SNX3: variants seen among roughly 807,000 people sequenced by gnomAD.
The protein encoded by SNX3 is sorting nexin-3.
Under a neutral mutation model 17.7 loss-of-function variants are expected in SNX3, and 5 were observed. That is an observed-to-expected ratio of 0.28 (90% confidence interval 0.15 to 0.59). The LOEUF (loss-of-function observed/expected upper bound fraction) is 0.59. SNX3 is among the 20% of genes least tolerant of loss of function. The pLI is 0.88. For synonymous variants in SNX3, 91 were observed against 76.5 expected, an observed-to-expected ratio of 1.19 and a Z score of -0.99; for missense variants, 132 against 206.8, an observed-to-expected ratio of 0.64 and a Z score of 2.22.
At chr6:108,255,869 C>T (rs987139538) in intron 1 of SNX3, among the ~76,000 whole-genome samples, 7 of 152,110 alleles carry the variant, frequency 4.6e-5, no homozygotes, top group African/African-American at 1.7e-4. Flanking sequence ...TTATTTAGCA[C>T]CTTGTCAAAA....
At chr6:108,214,680 G>C (rs993528231) in intron 2 of SNX3, 58 bp from the exon 3 acceptor site, 1 of 1,563,586 alleles carries the variant, frequency 6.4e-7, no homozygotes, top group Admixed American at 1.9e-5. Context: ...AAAATTTATA[G>C]AGCACAACAT....
intron 1 of SNX3, among the ~76,000 whole-genome samples, chr6:108,254,093 C>T (rs527639670): frequency 1.1e-4 from 16 of 150,514 alleles, no homozygotes; most frequent in African/African-American, 3.4e-4. Context: ...CACCACCTCA[C>T]TCCAGCCTGG....
chr6:108,237,069 T>C (rs1386335476), intron 1 of SNX3, among the ~76,000 whole-genome samples: 1 of 152,172 alleles, frequency 6.6e-6, no homozygotes, highest in Non-Finnish European at 1.5e-5. Flanking sequence ...ATCCCCTAAA[T>C]AAACCACGGC....
chr6:108,240,025 G>A (rs1463812384), intron 1 of SNX3, among the ~76,000 whole-genome samples: 1 of 152,088 alleles, frequency 6.6e-6, no homozygotes, highest in Non-Finnish European at 1.5e-5. Flanking sequence ...AGGTAAAGGG[G>A]GAACTGCTGG....
intron 1 of SNX3, among the ~76,000 whole-genome samples, chr6:108,223,754 G>A (rs1453219705): frequency 6.6e-6 from 1 of 151,926 alleles, no homozygotes. Context: ...CTGCTGCCTC[G>A]GCCTCCCAAA....
intron 1 of SNX3, among the ~76,000 whole-genome samples, chr6:108,223,252 C>T (rs1281126791): frequency 2.0e-5 from 3 of 152,154 alleles, no homozygotes; most frequent in Non-Finnish European, 2.9e-5. Context: ...GATTTTTCCG[C>T]CTCAGCCTCC....
At chr6:108,231,118 T>C (rs1397235670) in intron 1 of SNX3, among the ~76,000 whole-genome samples, 11 of 151,906 alleles carry the variant, frequency 7.2e-5, no homozygotes, top group African/African-American at 2.7e-4. Flanking sequence ...TGTTTTTTTT[T>C]TTTTTGAGAC....
intron 3 of SNX3, 62 bp downstream of exon 3, chr6:108,214,436 C>T (rs1774502509): frequency 2.0e-6 from 3 of 1,519,394 alleles, no homozygotes; most frequent in South Asian, 2.4e-5. Flanking sequence ...TTTAGCTTAA[C>T]ATCTAAACTA....
intron 1 of SNX3, among the ~76,000 whole-genome samples, chr6:108,256,086 T>C (rs1456334534): frequency 2.6e-5 from 4 of 151,982 alleles, no homozygotes; most frequent in African/African-American, 9.7e-5. Context: ...AAAAATTAGC[T>C]GGGTGTGGTG....
intron 1 of SNX3, among the ~76,000 whole-genome samples, chr6:108,248,356 G>A (rs1234428586): frequency 6.6e-6 from 1 of 152,176 alleles, no homozygotes; most frequent in Non-Finnish European, 1.5e-5. Context: ...TTCATTTATT[G>A]GACAGTTCTG....
chr6:108,229,726 T>C (rs1286268560), intron 1 of SNX3, among the ~76,000 whole-genome samples: 6 of 152,086 alleles, frequency 3.9e-5, no homozygotes, highest in South Asian at 4.1e-4. Flanking sequence ...ATGGTGAAAA[T>C]AGTGTGAGCT....
At chr6:108,234,455 G>A (rs1395102243) in intron 1 of SNX3, among the ~76,000 whole-genome samples, 5 of 152,036 alleles carry the variant, frequency 3.3e-5, no homozygotes, top group Admixed American at 2.6e-4. Context: ...GGAGGCTGAG[G>A]CAGGAGAATC....
chr6:108,215,211 G>A (rs145075594), intron 2 of SNX3, among the ~76,000 whole-genome samples: 20 of 152,184 alleles, frequency 1.3e-4, no homozygotes, highest in African/African-American at 3.4e-4. Context: ...TGAGCCGGGC[G>A]TGGTGGCGGG....
intron 1 of SNX3, among the ~76,000 whole-genome samples, chr6:108,250,982 G>A (rs1285403103): frequency 2.0e-5 from 3 of 151,902 alleles, no homozygotes; most frequent in African/African-American, 7.2e-5. Flanking sequence ...ATTTATTTTG[G>A]TGGCTCAAAT....
intron 3 of SNX3, 76 bp from the exon 4 acceptor site, chr6:108,212,330 G>T: frequency 9.8e-7 from 1 of 1,015,794 alleles, no homozygotes; most frequent in Non-Finnish European, 1.5e-6. Context: ...TTTTAAAGTT[G>T]AGAAGCATGT....
At chr6:108,254,579 A>G (rs1775977729) in intron 1 of SNX3, among the ~76,000 whole-genome samples, 1 of 152,174 alleles carries the variant, frequency 6.6e-6, no homozygotes, top group South Asian at 2.1e-4. Context: ...TTTATTTGTA[A>G]GTGTCCACTA....
intron 3 of SNX3, among the ~76,000 whole-genome samples, chr6:108,213,991 T>C (rs1296045125): frequency 6.6e-6 from 1 of 152,174 alleles, no homozygotes; most frequent in South Asian, 2.1e-4. Context: ...CTAAAAATAT[T>C]GGTTTGAGCT....
chr6:108,259,109 A>G (rs558511291), intron 1 of SNX3, among the ~76,000 whole-genome samples: 1 of 152,346 alleles, frequency 6.6e-6, no homozygotes, highest in Admixed American at 6.5e-5. Flanking sequence ...ACCATCTGTC[A>G]TGTATTACAG....
chr6:108,228,183 T>C (rs1582480738), intron 1 of SNX3, among the ~76,000 whole-genome samples: 1 of 151,866 alleles, frequency 6.6e-6, no homozygotes, highest in Non-Finnish European at 1.5e-5. Context: ...AAGGCTGAGG[T>C]GGGAGGATCA....
Sources: gnomAD v4.1 joint callset for allele counts (sites outside exome capture counted in the v4.1 genomes callset) on GRCh38, gnomAD v4.1.1 for gene constraint, MANE v1.5 for transcripts, NCBI Gene and HGNC (gene_info 2026-07-23, HGNC 2026-07-21) for gene names.